USP1: variants seen among roughly 807,000 people sequenced by gnomAD.
The protein encoded by USP1 is ubiquitin carboxyl-terminal hydrolase 1.
USP1 carries 18 observed loss-of-function variants against 72.2 expected under a neutral mutation model. The observed-to-expected ratio is 0.25, with a 90% CI of 0.17 to 0.37. USP1 has a LOEUF of 0.37. Ranked by LOEUF, USP1 falls within the 10% of genes least tolerant of loss-of-function variation. USP1 has a pLI of 1.00. For synonymous variants in USP1, 354 were observed against 303.7 expected, an observed-to-expected ratio of 1.17 and a Z score of -1.72; for missense variants, 759 against 884.9, an observed-to-expected ratio of 0.86 and a Z score of 1.81.
chr1:62,441,625 G>C lies in USP1; in HGVS notation c.291+17G>C, dbSNP rs750489869. 1.2e-6 allele frequency: 2 copies of C among 1,601,626 alleles called. No individual in the cohort carries two copies. Among genetic ancestry groups the C allele is most frequent in the South Asian group, 2.3e-5 (2 of 88,210 alleles). On this transcript the variant is annotated intron_variant, in intron 3 of 8. Transcript: ENST00000339950. ...ATACTTCAGGTAAATTGACAATTTT[G>C]CTATATCATAAAGCTTTAGTAGGCA...
At chr1:62,443,422 A>G (rs1234582126) in intron 5 of USP1, 103 bp downstream of exon 5, 1 of 1,215,036 alleles carries the variant, frequency 8.2e-7, no homozygotes, top group African/African-American at 1.6e-5. Flanking sequence ...CAAGGAAAGT[A>G]GAAACTCTAG....
Position 62,450,787 on chromosome 1 carries a change from A to G in USP1, c.2164A>G (p.Thr722Ala), listed in dbSNP as rs1344646759. Residue 722 changes from threonine to alanine, a missense_variant, in exon 9 of 9, where the codon ACA becomes GCA. Coordinates refer to ENST00000339950, the MANE Select transcript of USP1 (RefSeq NM_003368.5). ...TAGAAACAAGGAATCCAGTGACCAA[A>G]CAGGCATTAATATTAGTGGATTTGA... ...SDRNKESSDQTGINISGFENK... is the reference protein window; with the variant it reads ...SDRNKESSDQAGINISGFENK... The G allele has an allele frequency of 6.2e-7, 1 of 1,613,968 alleles. No homozygotes were observed. The highest frequency in any genetic ancestry group is 8.5e-7 in the Non-Finnish European group (1 of 1,179,950).
chr1:62,445,020 G>A lies in USP1; in HGVS notation c.840G>A (p.Met280Ile). The change falls in exon 6 of 9, where the codon ATG becomes ATA. Residue 280 changes from methionine to isoleucine, a missense_variant. Around this residue, in one of 9 missense-constraint regions of USP1, gnomAD observed 245 missense variants for 240.7 expected, o/e 1.02. Coordinates refer to ENST00000339950, the MANE Select transcript of USP1 (RefSeq NM_003368.5). ...AAAGTGACACTGAATTTGGTAACAT[G>A]AAGAAAAAAGTTAAATTATCCAAGG... ...KRKSDTEFGN[M>I]KKKVKLSKEH... The A allele has an allele frequency of 6.2e-7, 1 of 1,612,826 alleles. No individual in the cohort carries two copies. The highest frequency in any genetic ancestry group is 2.2e-5 in the East Asian group (1 of 44,780).
Position 62,450,327 on chromosome 1 carries a change from C to T in USP1, c.1704C>T (p.Ser568=). The change falls in exon 9 of 9, where the codon AGC becomes AGT. Residue 568 remains serine, a synonymous_variant. Transcript: ENST00000339950. The part of the protein sequence containing the change: ...TPLKLSLEEW[S]TKPTNDSYGL... ...TTAAATTGTCACTAGAAGAATGGAGCACAAAGCCAACTAACGACAGCTATG... is the reference window on the plus strand; with the variant it reads ...TTAAATTGTCACTAGAAGAATGGAGTACAAAGCCAACTAACGACAGCTATG... The T allele has an allele frequency of 6.2e-7, 1 of 1,614,120 alleles. No homozygotes were observed. Among genetic ancestry groups the T allele is most frequent in the East Asian group, 2.2e-5 (1 of 44,868 alleles).
chr1:62,450,731 C>G lies in USP1; in HGVS notation c.2108C>G (p.Thr703Ser), dbSNP rs1481722721. ...TAFAENRNSE[T>S]SDTTGTHESD... ...TTTGCTGAAAATAGAAATTCTGAGA[C>G]TAGTGATACTACTGGGACCCATGAA... Residue 703 changes from threonine to serine, a missense_variant, in exon 9 of 9, where the codon ACT (threonine) becomes AGT (serine). Physicochemically the swap from Thr to Ser is moderately conservative, Grantham distance 58. Transcript: ENST00000339950. The G allele has an allele frequency of 2.5e-6, 4 of 1,613,946 alleles. No individual in the cohort carries two copies. Among genetic ancestry groups the G allele is most frequent in the Non-Finnish European group, 1.7e-6 (2 of 1,179,968 alleles).
chr1:62,442,411 C>A, intron 4 of USP1, 112 bp downstream of exon 4: 1 of 741,476 alleles, frequency 1.3e-6, no homozygotes, highest in Non-Finnish European at 2.1e-6. Flanking sequence ...GATTATTTCT[C>A]TGTTAGCGAG....
At chr1:62,441,858 ATTTC>A (rs1209008641) in intron 3 of USP1, among the ~76,000 whole-genome samples, 3 of 152,142 alleles carry the variant, frequency 2.0e-5, no homozygotes, top group African/African-American at 7.2e-5. Flanking sequence ...CAAACCTTTA[ATTTC>A]TTTCTCTGAT....
intron 2 of USP1, 37 bp from the exon 3 acceptor site, chr1:62,441,451 G>C: frequency 1.3e-6 from 2 of 1,538,874 alleles, no homozygotes; most frequent in Non-Finnish European, 1.7e-6. Flanking sequence ...GTTTCTTTAA[G>C]ATAACTACTT....
Position 62,443,268 on chromosome 1 carries a change from A to T in USP1, c.506A>T (p.Lys169Ile). Residue 169 changes from lysine to isoleucine, a missense_variant, in exon 5 of 9, where the codon AAA (lysine) becomes ATA (isoleucine). Lys to Ile is a moderately radical substitution (Grantham distance 102). This residue lies in a region of USP1 where 71 missense variants were observed against 71.0 expected (regional missense o/e 1.00). Transcript: ENST00000339950. The part of the protein sequence containing the change: ...LQASFLLNPE[K>I]YTDELATQPR... ...GCTAGTTTTCTCTTAAATCCAGAGA[A>T]ATATACTGATGAACTTGCCACTCAG... The T allele has an allele frequency of 6.2e-7, 1 of 1,614,056 alleles. No individual in the cohort carries two copies.
intron 7 of USP1, among the ~76,000 whole-genome samples, 198 bp from the exon 8 acceptor site, chr1:62,448,267 C>T (rs767894036): frequency 3.1e-4 from 47 of 151,948 alleles, no homozygotes; most frequent in Non-Finnish European, 1.0e-4. Flanking sequence ...ATTTTTTGGC[C>T]GATCAAATAT....
In USP1 at chr1:62,450,989, G is replaced by A. The variant is rs771449575; in HGVS notation, c.*8G>A. 7 of 1,567,114 alleles carry A rather than the reference G, an allele frequency of 4.5e-6. No individual in the cohort carries two copies. Among genetic ancestry groups the A allele is most frequent in the Middle Eastern group, 2.0e-4 (1 of 5,098 alleles). Reference sequence around the variant, plus strand: ...TTTTATAAGAAATTATAGAGTGAGTGTATTTTCCTTGTGTATATATTAAAC... The same window carrying A: ...TTTTATAAGAAATTATAGAGTGAGTATATTTTCCTTGTGTATATATTAAAC... On this transcript the variant is annotated 3_prime_UTR_variant, in exon 9 of 9. Coordinates refer to ENST00000339950, the MANE Select transcript of USP1 (RefSeq NM_003368.5).
chr1:62,444,889 C>T lies in USP1; in HGVS notation c.709C>T (p.Pro237Ser). The change falls in exon 6 of 9, where the codon CCT (proline) becomes TCT (serine). Residue 237 changes from proline (P) to serine (S), a missense_variant. Transcript: ENST00000339950. Reference protein sequence around the residue: ...AELPTKVEEIPHPKEEMNGIN... With the variant: ...AELPTKVEEISHPKEEMNGIN... ...ATTACCTACTAAGGTAGAAGAAATA[C>T]CTCATCCGAAAGAGGAAATGAATGG... 1 of 1,613,412 alleles carries T rather than the reference C, an allele frequency of 6.2e-7. No individual in the cohort carries two copies. The highest frequency in any genetic ancestry group is 8.5e-7 in the Non-Finnish European group (1 of 1,179,754).
At chr1:62,440,415 A>G (rs1645124820) in intron 2 of USP1, among the ~76,000 whole-genome samples, 1 of 133,738 alleles carries the variant, frequency 7.5e-6, no homozygotes, top group South Asian at 2.6e-4. Flanking sequence ...GACAGTTATA[A>G]GACATTTTAA....
intron 2 of USP1, 37 bp from the exon 3 acceptor site, chr1:62,441,451 G>T: frequency 6.5e-7 from 1 of 1,538,874 alleles, no homozygotes; most frequent in African/African-American, 1.4e-5. Flanking sequence ...GTTTCTTTAA[G>T]ATAACTACTT....
chr1:62,441,455 A>C (rs774052755), intron 2 of USP1, 33 bp from the exon 3 acceptor site: 1 of 1,546,702 alleles, frequency 6.5e-7, no homozygotes, highest in Non-Finnish European at 8.7e-7. Context: ...CTTTAAGATA[A>C]CTACTTATCG....
intron 7 of USP1, among the ~76,000 whole-genome samples, chr1:62,448,104 C>T (rs1161319325): frequency 2.0e-5 from 3 of 152,068 alleles, no homozygotes; most frequent in Non-Finnish European, 4.4e-5. Context: ...TTGTTTTTAA[C>T]ACAATAATTG....
chr1:62,438,189 A>C (rs994810160), intron 1 of USP1, among the ~76,000 whole-genome samples: 1 of 152,074 alleles, frequency 6.6e-6, no homozygotes, highest in Admixed American at 6.5e-5. Flanking sequence ...TCACCTGCCT[A>C]ATCATTCTTC....
chr1:62,445,929 A>G lies in USP1; in HGVS notation c.1249+500A>G, dbSNP rs1031642324. Among the ~76,000 whole-genome samples the G allele has an allele frequency of 3.3e-5, 5 of 152,268 alleles. No individual in the cohort carries two copies. The East Asian group carries it at 7.7e-4, about 23-fold the overall frequency. ...GGGAGGTGGAGGTTGCAGTGAGCCA[A>G]TATTATGCCACTGCACTCCAGCCTG... On this transcript the variant is annotated intron_variant, in intron 6 of 8. Transcript: ENST00000339950.
rs749813428 is a variant in USP1 at position 62,444,984 on chromosome 1, T to C, written c.804T>C (p.Asn268=). Residue 268 remains asparagine, a synonymous_variant, in exon 6 of 9, where the codon AAT becomes AAC. Coordinates refer to ENST00000339950, the MANE Select transcript of USP1 (RefSeq NM_003368.5). ...EDFKEKLPKG[N]GKRKSDTEFG... is the part of the protein sequence containing the mutation. ...TTAAAGAGAAACTCCCAAAAGGAAA[T>C]GGGAAAAGAAAAAGTGACACTGAAT... 1.7e-5 allele frequency: 27 copies of C among 1,612,724 alleles called. No homozygotes were observed. Among genetic ancestry groups the C allele is most frequent in the Admixed American group, 1.7e-4 (10 of 59,874 alleles).
Sources: gnomAD v4.1 joint callset for allele counts (sites outside exome capture counted in the v4.1 genomes callset) on GRCh38, gnomAD v4.1.1 for gene constraint, gnomAD v4.1.1 regional missense constraint, MANE v1.5 for transcripts, NCBI Gene and HGNC (gene_info 2026-07-23, HGNC 2026-07-21) for gene names.